FIGN: variants seen among roughly 807,000 people sequenced by gnomAD.
FIGN encodes the protein fidgetin, microtubule severing factor.
Under a neutral mutation model 51.3 loss-of-function variants are expected in FIGN, and 11 were observed. The observed-to-expected ratio is 0.21, with a 90% CI of 0.13 to 0.35. The LOEUF is 0.35. FIGN is among the 10% of genes least tolerant of loss of function. The probability of loss-of-function intolerance (pLI) is 1.00; values close to 1 mark genes in which losing one functional copy is unlikely to be tolerated. For missense variants in FIGN, 857 were observed against 943.6 expected (o/e 0.91, Z 1.20); for synonymous variants, 407 against 363.2 (o/e 1.12, Z -1.37).
intron 2 of FIGN, among the ~76,000 whole-genome samples, chr2:163,717,926 G>A (rs549781511): frequency 6.6e-6 from 1 of 152,230 alleles, no homozygotes; most frequent in African/African-American, 2.4e-5. Flanking sequence ...ATAAAAAAGG[G>A]ATGTTCCAAT....
chr2:163,671,252 T>A (rs915360751), intron 2 of FIGN, among the ~76,000 whole-genome samples: 1 of 151,888 alleles, frequency 6.6e-6, no homozygotes, highest in Non-Finnish European at 1.5e-5. Context: ...GTTGAGGAGG[T>A]TTTATAAATA....
chr2:163,705,615 C>G (rs1221522013), intron 2 of FIGN, among the ~76,000 whole-genome samples: 1 of 151,110 alleles, frequency 6.6e-6, no homozygotes, highest in Non-Finnish European at 1.5e-5. Context: ...TATGTAAACT[C>G]TATTTTATAT....
chr2:163,709,678 A>C (rs919756112), intron 2 of FIGN, among the ~76,000 whole-genome samples: 17 of 152,184 alleles, frequency 1.1e-4, no homozygotes, highest in African/African-American at 4.1e-4. Context: ...CCATTACCCG[A>C]GAAGCCCCTT....
At chr2:163,676,473 A>C (rs1229023505) in intron 2 of FIGN, among the ~76,000 whole-genome samples, 47 of 108,926 alleles carry the variant, frequency 4.3e-4, no homozygotes, top group African/African-American at 1.5e-3. Context: ...ATATATATAT[A>C]TATATATATA....
At chr2:163,637,072 C>A (rs867229485) in intron 2 of FIGN, among the ~76,000 whole-genome samples, 54 of 152,188 alleles carry the variant, frequency 3.5e-4, no homozygotes, top group Admixed American at 2.6e-3. Context: ...CAGTGAGACA[C>A]CGTCTCAAAC....
At chr2:163,655,404 G>A (rs1683543328) in intron 2 of FIGN, among the ~76,000 whole-genome samples, 1 of 152,102 alleles carries the variant, frequency 6.6e-6, no homozygotes, top group Non-Finnish European at 1.5e-5. Context: ...AACAGAAAAA[G>A]ATGATTAACA....
At chr2:163,672,658 G>T (rs905134491) in intron 2 of FIGN, among the ~76,000 whole-genome samples, 2 of 152,082 alleles carry the variant, frequency 1.3e-5, no homozygotes, top group African/African-American at 4.8e-5. Context: ...TCAATTCCAT[G>T]ATTCTGGCAG....
chr2:163,695,337 C>T (rs1185682832), intron 2 of FIGN, among the ~76,000 whole-genome samples: 3 of 152,110 alleles, frequency 2.0e-5, no homozygotes, highest in African/African-American at 2.4e-5. Context: ...TTGTTATTGC[C>T]TCTTGACTAC....
chr2:163,707,345 A>T (rs1573963637), intron 2 of FIGN, among the ~76,000 whole-genome samples: 2 of 71,760 alleles, frequency 2.8e-5, no homozygotes, highest in African/African-American at 1.1e-4. Context: ...ACAGAATGAG[A>T]CTCTGTCTCA....
rs778703088 is a variant in FIGN at position 163,610,435 on chromosome 2, G to A, written c.1397C>T (p.Thr466Met). The change falls in exon 3 of 3, where the codon ACG (threonine) becomes ATG (methionine). Residue 466 changes from threonine (T) to methionine (M), a missense_variant. Coordinates refer to ENST00000333129, the MANE Select transcript of FIGN (RefSeq NM_018086.4). ...ATTGGTTACCAGGTCGATGAGGTGCGTGTCAGTATTCTTCAGTTGCTCGTC... is the reference window on the plus strand; with the variant it reads ...ATTGGTTACCAGGTCGATGAGGTGCATGTCAGTATTCTTCAGTTGCTCGTC... ...SVDEQLKNTD[T>M]HLIDLVTNEI... The A allele has an allele frequency of 2.5e-6, 4 of 1,614,122 alleles. No homozygotes were observed. The highest frequency in any genetic ancestry group is 2.2e-5 in the East Asian group (1 of 44,862).
At chr2:163,622,624 C>T (rs1185515846) in intron 2 of FIGN, among the ~76,000 whole-genome samples, 1 of 151,974 alleles carries the variant, frequency 6.6e-6, no homozygotes, top group South Asian at 2.1e-4. Flanking sequence ...CATGGTGGCA[C>T]GATCTTGGCT....
chr2:163,735,737 A>G (rs1299089343), intron 1 of FIGN, 101 bp downstream of exon 1: 1 of 152,446 alleles, frequency 6.6e-6, no homozygotes, highest in Non-Finnish European at 1.5e-5. Flanking sequence ...GCACAACTGA[A>G]GATCTCTTTT....
chr2:163,701,890 G>T (rs1481462513), intron 2 of FIGN, among the ~76,000 whole-genome samples: 1 of 152,068 alleles, frequency 6.6e-6, no homozygotes, highest in Non-Finnish European at 1.5e-5. Context: ...GCACCTTCTG[G>T]TGTAAGTACT....
At chr2:163,734,458 C>A (rs1198512246) in intron 2 of FIGN, among the ~76,000 whole-genome samples, 1 of 148,538 alleles carries the variant, frequency 6.7e-6, no homozygotes, top group Non-Finnish European at 1.5e-5. Context: ...TTCATCCAGT[C>A]CTGTTCCTGT....
intron 2 of FIGN, among the ~76,000 whole-genome samples, chr2:163,647,551 G>C (rs968185610): frequency 7.9e-5 from 12 of 151,964 alleles, no homozygotes; most frequent in African/African-American, 2.9e-4. Context: ...GACTCCAGCA[G>C]GTCTACCACC....
At chr2:163,623,995 T>G (rs1683013920) in intron 2 of FIGN, among the ~76,000 whole-genome samples, 1 of 152,078 alleles carries the variant, frequency 6.6e-6, no homozygotes, top group Non-Finnish European at 1.5e-5. Context: ...AATGACAGCT[T>G]AATCACTTAA....
chr2:163,611,049 C>T lies in FIGN; in HGVS notation c.783G>A (p.Gly261=), dbSNP rs772500599. 3 of 1,613,936 alleles carry T rather than the reference C, an allele frequency of 1.9e-6. No homozygotes were observed. The highest frequency in any genetic ancestry group is 8.5e-7 in the Non-Finnish European group (1 of 1,180,018). The change falls in exon 3 of 3, where the codon GGG becomes GGA. Residue 261 remains glycine, a synonymous_variant. Transcript: ENST00000333129. ...GAGGCGGTGCCCCCCCAGGGCTGTA[C>T]CCAGACCCCACAGCAGTCTGAGGAG... ...SYPPQTAVGS[G]YSPGGAPPPP...
intron 2 of FIGN, among the ~76,000 whole-genome samples, chr2:163,654,306 T>C (rs1325723729): frequency 1.3e-5 from 2 of 152,140 alleles, no homozygotes; most frequent in African/African-American, 4.8e-5. Flanking sequence ...TCAAAAGTGC[T>C]TGTTAAATTG....
At chr2:163,641,665 T>C (rs568502690) in intron 2 of FIGN, among the ~76,000 whole-genome samples, 4 of 152,336 alleles carry the variant, frequency 2.6e-5, no homozygotes, top group South Asian at 4.1e-4. Flanking sequence ...AGAAATCCGA[T>C]GCGGAAGAAG....
Sources: gnomAD v4.1 joint callset for allele counts (sites outside exome capture counted in the v4.1 genomes callset) on GRCh38, gnomAD v4.1.1 for gene constraint, MANE v1.5 for transcripts, NCBI Gene and HGNC (gene_info 2026-07-23, HGNC 2026-07-21) for gene names.